The following SLA variants were observed in gnomAD, a reference collection of about 807,000 sequenced individuals.
The protein encoded by SLA is Src like adaptor.
Under a neutral mutation model 30.3 loss-of-function variants are expected in SLA, and 16 were observed. The observed-to-expected ratio is 0.53, with a 90% CI of 0.36 to 0.80. The LOEUF (loss-of-function observed/expected upper bound fraction) is 0.80, where lower values mean the gene tolerates loss of function less well. Among genes scored for constraint, SLA ranks in the 30% least tolerant of loss-of-function variants. The pLI, the probability that SLA is intolerant of heterozygous loss-of-function variation, is 0.01. For synonymous variants in SLA, 143 were observed against 137.8 expected (o/e 1.04, Z -0.26); for missense variants, 310 against 345.2 (o/e 0.90, Z 0.81).
At chr8:133,054,091 G>T (rs1179097098) in intron 3 of SLA, among the ~76,000 whole-genome samples, 1 of 152,116 alleles carries the variant, frequency 6.6e-6, no homozygotes, top group Non-Finnish European at 1.5e-5. Context: ...CTGAGCTTTG[G>T]TTGCTACAGA....
At chr8:133,091,686 G>A (rs895980736) in intron 1 of SLA, among the ~76,000 whole-genome samples, 2 of 152,010 alleles carry the variant, frequency 1.3e-5, no homozygotes, top group African/African-American at 2.4e-5. Flanking sequence ...CTCTGTGACT[G>A]TGTGTGTTTG....
At chr8:133,094,272 G>C (rs1300696665) in intron 1 of SLA, among the ~76,000 whole-genome samples, 4 of 124,448 alleles carry the variant, frequency 3.2e-5, no homozygotes, top group East Asian at 4.8e-4. Flanking sequence ...ATGGAGTCTT[G>C]CTCTGTTTCC....
At chr8:133,067,294 C>T (rs963221811) in intron 2 of SLA, among the ~76,000 whole-genome samples, 3 of 152,090 alleles carry the variant, frequency 2.0e-5, no homozygotes, top group African/African-American at 7.2e-5. Context: ...TCTACCTGCT[C>T]CCACCCCACC....
rs566548149 is a variant in SLA, at chr8:133,056,745, G to A, written c.61+3355C>T. Among the ~76,000 whole-genome samples the A allele has an allele frequency of 1.7e-4, 26 of 152,278 alleles. 1 individual carries two copies. The highest frequency in any genetic ancestry group is 5.8e-4 in the African/African-American group (24 of 41,544). The stretch of plus-strand genomic sequence containing the variant: ...TGTCTGGAGGCTGTGAGCACCAAGC[G>A]GCTCTAATCATTCCCGTTTTACAAA... On this transcript the variant is annotated intron_variant, in intron 3 of 8. Coordinates refer to ENST00000338087, the MANE Select transcript of SLA (RefSeq NM_001045556.3).
intron 2 of SLA, among the ~76,000 whole-genome samples, chr8:133,061,075 G>A (rs1455680798): frequency 6.6e-6 from 1 of 152,178 alleles, no homozygotes; most frequent in Non-Finnish European, 1.5e-5. Flanking sequence ...GCAATGGCAC[G>A]ATCTCGGCTC....
intron 1 of SLA, among the ~76,000 whole-genome samples, chr8:133,087,011 G>A (rs907080196): frequency 5.3e-5 from 8 of 151,584 alleles, no homozygotes; most frequent in Admixed American, 4.6e-4. Flanking sequence ...ACAATGGATT[G>A]TTAGGTGAAA....
chr8:133,062,682 C>T (rs1198703551), intron 2 of SLA, among the ~76,000 whole-genome samples: 1 of 151,944 alleles, frequency 6.6e-6, no homozygotes, highest in African/African-American at 2.4e-5. Context: ...GCACAGGCCT[C>T]AGGAAGCATG....
chr8:133,101,505 C>T (rs1849246855), intron 1 of SLA, among the ~76,000 whole-genome samples: 1 of 152,182 alleles, frequency 6.6e-6, no homozygotes, highest in African/African-American at 2.4e-5. Context: ...CCTTTTACTC[C>T]ATCCTCTGTC....
intron 2 of SLA, chr8:133,073,382 TTTCGC>T (rs1844365097): frequency 6.6e-6 from 1 of 152,154 alleles, no homozygotes; most frequent in African/African-American, 2.4e-5. Flanking sequence ...TTAGATGAAG[TTTCGC>T]TATTGTTGCC....
chr8:133,070,067 G>A (rs2702992), intron 2 of SLA, among the ~76,000 whole-genome samples: 82,017 of 136,900 alleles, frequency 0.6, 25,562 homozygotes, highest in East Asian at 0.79. Flanking sequence ...GAAAGGAACT[G>A]AAGAAACAAT....
chr8:133,097,429 A>G (rs1163422194), intron 1 of SLA, among the ~76,000 whole-genome samples: 1 of 152,234 alleles, frequency 6.6e-6, no homozygotes, highest in African/African-American at 2.4e-5. Flanking sequence ...GTCCATTAAC[A>G]GGGAAATGGT....
Position 133,099,317 on chromosome 8 carries a change from A to C in SLA, c.-319+3236T>G, listed in dbSNP as rs556971517. ...CTTCATTCATTCCCTTGGGACACGC[A>C]TTAGTGAAGCCACTGAGCAGCTTTT... On this transcript the variant is annotated intron_variant, in intron 1 of 8. Coordinates refer to ENST00000338087, the MANE Select transcript of SLA (RefSeq NM_001045556.3). Among the ~76,000 whole-genome samples the C allele has an allele frequency of 1.3e-4, 20 of 152,328 alleles. 1 individual carries two copies. The highest frequency in any genetic ancestry group is 1.2e-3 in the South Asian group (6 of 4,832).
intron 2 of SLA, among the ~76,000 whole-genome samples, chr8:133,062,365 G>A (rs1407743010): frequency 6.6e-6 from 1 of 152,204 alleles, no homozygotes; most frequent in African/African-American, 2.4e-5. Context: ...TGAGCCTGGC[G>A]AAGGTACCCA....
At chr8:133,078,391 G>A (rs1477389500) in intron 1 of SLA, among the ~76,000 whole-genome samples, 1 of 152,194 alleles carries the variant, frequency 6.6e-6, no homozygotes, top group Admixed American at 6.5e-5. Context: ...AGCCAGGGAG[G>A]ACTGTATTGT....
At chr8:133,061,261 G>C (rs1317133233) in intron 2 of SLA, among the ~76,000 whole-genome samples, 1 of 152,158 alleles carries the variant, frequency 6.6e-6, no homozygotes, top group Non-Finnish European at 1.5e-5. Context: ...TACCTGCCTT[G>C]GCCTCCCAAT....
chr8:133,048,963 T>TATCA (rs1839941757), intron 5 of SLA: 1 of 332,078 alleles, frequency 3.0e-6, no homozygotes, highest in South Asian at 2.4e-5. Flanking sequence ...ACTTAGTGTT[T>TATCA]ATCAATGGAT....
chr8:133,087,200 T>G (rs1846728118), intron 1 of SLA, among the ~76,000 whole-genome samples: 1 of 152,162 alleles, frequency 6.6e-6, no homozygotes, highest in Non-Finnish European at 1.5e-5. Context: ...AATTTTAATT[T>G]TCTTTGTTTC....
chr8:133,048,769 T>C, intron 5 of SLA: 1 of 161,440 alleles, frequency 6.2e-6, no homozygotes, highest in Non-Finnish European at 1.4e-5. Flanking sequence ...CCACGGCAGC[T>C]CCTGCTTCAG....
intron 1 of SLA, among the ~76,000 whole-genome samples, chr8:133,096,883 A>C (rs2131648812): frequency 6.6e-6 from 1 of 152,352 alleles, no homozygotes; most frequent in African/African-American, 2.4e-5. Flanking sequence ...CTGGAGGCAC[A>C]GTGAAGTGGG....
Sources: allele counts gnomAD v4.1 joint callset (sites outside exome capture counted in the v4.1 genomes callset), GRCh38; gene constraint gnomAD v4.1.1; transcripts MANE v1.5; gene names NCBI Gene and HGNC (gene_info 2026-07-23, HGNC 2026-07-21).